Variants in RPGRIP1 observed in about 807,000 individuals in gnomAD.
The protein encoded by RPGRIP1 is RPGR interacting protein 1.
RPGRIP1 carries 128 observed loss-of-function variants against 157.9 expected under a neutral mutation model. The ratio of observed to expected loss-of-function variants is 0.81; its 90% CI spans 0.70 to 0.94. The LOEUF is 0.94. Ranked by LOEUF, RPGRIP1 falls within the 40% of genes least tolerant of loss-of-function variation. RPGRIP1 has a pLI of 0.00. For synonymous variants in RPGRIP1, 554 were observed against 571.6 expected (o/e 0.97, Z 0.44); for missense variants, 1,486 against 1,545.8 (o/e 0.96, Z 0.65).
rs753788745 is a variant in RPGRIP1 at position 21,351,146 on chromosome 14, A to G, written c.3791A>G (p.Lys1264Arg). ...CTGGCTACCCCAATAGGAAGGCTGA[A>G]GGTTTCCCTTCAAGCAGCTGCTGTC... The part of the protein sequence containing the change: ...EDLATPIGRL[K>R]VSLQAAAVLH... The change falls in exon 25 of 25, where the codon AAG becomes AGG. Residue 1264 changes from lysine to arginine, a missense_variant. Coordinates refer to ENST00000400017, the MANE Select transcript of RPGRIP1 (RefSeq NM_020366.4). 9 of 1,612,898 alleles carry G rather than the reference A, an allele frequency of 5.6e-6. No individual in the cohort carries two copies. The South Asian group carries it at 9.9e-5, about 18-fold the overall frequency.
At chr14:21,297,278 A>G (rs1474136916) in intron 3 of RPGRIP1, among the ~76,000 whole-genome samples, 1 of 152,090 alleles carries the variant, frequency 6.6e-6, no homozygotes, top group Non-Finnish European at 1.5e-5. Flanking sequence ...TATTTTTAGT[A>G]GAGACAGGGT....
intron 24 of RPGRIP1, among the ~76,000 whole-genome samples, chr14:21,349,951 GAC>G (rs1379457908): frequency 1.3e-5 from 2 of 152,126 alleles, no homozygotes. Context: ...AGGACCTTCA[GAC>G]ACTTAAGATT....
rs757950016 is a variant in RPGRIP1 at position 21,311,981 on chromosome 14, A to G, written c.1077+11A>G. 6.2e-6 allele frequency: 10 copies of G among 1,608,616 alleles called. No individual in the cohort carries two copies. In the East Asian group the frequency reaches 1.3e-4, roughly 22 times the overall value. On this transcript the variant is annotated intron_variant, in intron 9 of 24. Coordinates refer to ENST00000400017, the MANE Select transcript of RPGRIP1 (RefSeq NM_020366.4). The stretch of plus-strand genomic sequence containing the variant: ...ATGACTCTGAAGGAGGTAAATAATA[A>G]TAGTTGAAAGATACCATCTACATTT...
intron 1 of RPGRIP1, among the ~76,000 whole-genome samples, chr14:21,283,742 C>T (rs954584936): frequency 1.3e-5 from 2 of 152,006 alleles, no homozygotes; most frequent in Non-Finnish European, 2.9e-5. Context: ...ACTGCAATCT[C>T]CACCTGCCGG....
At chr14:21,317,511 A>C in intron 10 of RPGRIP1, 185 bp from the exon 11 acceptor site, 1 of 1,431,540 alleles carries the variant, frequency 7.0e-7, no homozygotes, top group Non-Finnish European at 9.3e-7. Flanking sequence ...CTGAGCAATA[A>C]CTCAGTAGGA....
intron 3 of RPGRIP1, among the ~76,000 whole-genome samples, chr14:21,300,166 G>A (rs1399099202): frequency 1.3e-5 from 2 of 152,296 alleles, no homozygotes; most frequent in Non-Finnish European, 2.9e-5. Flanking sequence ...GTGGTTAGGC[G>A]TGGTGGCGCA....
chr14:21,331,471 G>A (rs1883783020), intron 20 of RPGRIP1, among the ~76,000 whole-genome samples: 1 of 152,102 alleles, frequency 6.6e-6, no homozygotes, highest in African/African-American at 2.4e-5. Context: ...GCAGTGAGCT[G>A]AGATTATACC....
intron 19 of RPGRIP1, among the ~76,000 whole-genome samples, chr14:21,329,368 T>G (rs952335937): frequency 6.6e-6 from 1 of 152,098 alleles, no homozygotes; most frequent in Non-Finnish European, 1.5e-5. Flanking sequence ...TGTGGCTAGC[T>G]TGTGTTTCCA....
At chr14:21,297,653 G>C (rs1329474590) in intron 3 of RPGRIP1, among the ~76,000 whole-genome samples, 1 of 152,060 alleles carries the variant, frequency 6.6e-6, no homozygotes, top group Non-Finnish European at 1.5e-5. Flanking sequence ...ATTACAGCTA[G>C]AGAATATGCA....
intron 21 of RPGRIP1, among the ~76,000 whole-genome samples, chr14:21,337,855 A>C (rs1010095584): frequency 1.3e-5 from 2 of 150,344 alleles, no homozygotes; most frequent in Non-Finnish European, 2.9e-5. Flanking sequence ...TCCCGGGTTC[A>C]AGCGACTCTC....
chr14:21,326,463 T>A (rs1388299508), intron 17 of RPGRIP1, among the ~76,000 whole-genome samples: 2 of 152,188 alleles, frequency 1.3e-5, no homozygotes, highest in East Asian at 3.9e-4. Flanking sequence ...TCTTTGTTTT[T>A]TGAGATGGAG....
chr14:21,293,186 G>T (rs1880609212), intron 2 of RPGRIP1, among the ~76,000 whole-genome samples: 1 of 151,860 alleles, frequency 6.6e-6, no homozygotes, highest in Non-Finnish European at 1.5e-5. Flanking sequence ...AAAAAATATG[G>T]TTCCCATTCA....
At chr14:21,292,218 T>G (rs770026044) in intron 2 of RPGRIP1, among the ~76,000 whole-genome samples, 4 of 152,156 alleles carry the variant, frequency 2.6e-5, no homozygotes, top group Non-Finnish European at 5.9e-5. Flanking sequence ...ATAAATATTT[T>G]TATAAAGGCA....
At chr14:21,321,484 T>C in intron 13 of RPGRIP1, 82 bp downstream of exon 13, 1 of 1,535,436 alleles carries the variant, frequency 6.5e-7, no homozygotes, top group Non-Finnish European at 8.7e-7. Context: ...AAGCAAGACC[T>C]AAGTTTCCAG....
In RPGRIP1 at chr14:21,343,067, C is replaced by T. The variant is rs1391694677; in HGVS notation, c.3371C>T (p.Ser1124Phe). 1 of 1,613,158 alleles carries T rather than the reference C, an allele frequency of 6.2e-7. No homozygotes were observed. The highest frequency in any genetic ancestry group is 1.7e-5 in the Admixed American group (1 of 59,888). ...GAGAAGATGTGCATTGAAATTGTCT[C>T]CCTGGCCTTCTACCCAGAGGCAGAA... ...DSEKMCIEIVSLAFYPEAEVM... is the reference protein window; with the variant it reads ...DSEKMCIEIVFLAFYPEAEVM... Residue 1124 changes from serine to phenylalanine, a missense_variant, in exon 22 of 25, where the codon TCC becomes TTC. Coordinates refer to ENST00000400017, the MANE Select transcript of RPGRIP1 (RefSeq NM_020366.4).
chr14:21,299,663 G>A (rs942957006), intron 3 of RPGRIP1, among the ~76,000 whole-genome samples: 1 of 152,132 alleles, frequency 6.6e-6, no homozygotes, highest in Admixed American at 6.6e-5. Context: ...ATTTATAAAT[G>A]AGGAAACTGA....
chr14:21,349,464 G>A (rs1238170901), intron 24 of RPGRIP1, among the ~76,000 whole-genome samples: 1 of 139,728 alleles, frequency 7.2e-6, no homozygotes, highest in Non-Finnish European at 1.5e-5. Context: ...GCAATGGACC[G>A]ATCTCAGCTC....
In RPGRIP1 at chr14:21,351,222, C is replaced by G. The variant is rs1176153352; in HGVS notation, c.*6C>G. On this transcript the variant is annotated 3_prime_UTR_variant, in exon 25 of 25. Coordinates refer to ENST00000400017, the MANE Select transcript of RPGRIP1 (RefSeq NM_020366.4). Reference sequence around the variant, plus strand: ...CTGAAGATTTGTTTTCATGAAGGAACAAGTGCTATTCCAATCTAAAAGTCT... The same window carrying G: ...CTGAAGATTTGTTTTCATGAAGGAAGAAGTGCTATTCCAATCTAAAAGTCT... 1.3e-6 allele frequency: 2 copies of G among 1,523,782 alleles called. No homozygotes were observed. Among genetic ancestry groups the G allele is most frequent in the Non-Finnish European group, 1.8e-6 (2 of 1,101,692 alleles). The allele number at this position is 1,523,782 out of a possible 1,614,324, so 94.4% of individuals were successfully genotyped here. A position where few individuals can be genotyped will look rare whatever the true frequency, so the allele number is the denominator to read the frequency against.
intron 2 of RPGRIP1, 81 bp from the exon 3 acceptor site, chr14:21,294,596 G>A: frequency 7.4e-7 from 1 of 1,346,702 alleles, no homozygotes; most frequent in Non-Finnish European, 1.0e-6. Context: ...ATGCTCTCTG[G>A]ACAAGATGTG....
Sources: allele counts gnomAD v4.1 joint callset (sites outside exome capture counted in the v4.1 genomes callset), GRCh38; gene constraint gnomAD v4.1.1; transcripts MANE v1.5; gene names NCBI Gene and HGNC (gene_info 2026-07-23, HGNC 2026-07-21).